Variants in KIF1A observed in about 807,000 individuals in gnomAD.
KIF1A encodes the protein kinesin family member 1A.
A neutral mutation model predicts 227.3 loss-of-function variants in KIF1A; 46 were observed. That is an observed-to-expected ratio of 0.20 (90% CI 0.16 to 0.26). The LOEUF (loss-of-function observed/expected upper bound fraction) is 0.26. Among genes scored for constraint, KIF1A ranks in the 10% least tolerant of loss-of-function variants. KIF1A has a pLI of 1.00. For missense variants in KIF1A, 1,683 were observed against 2,485.9 expected (o/e 0.68, Z 6.87); for synonymous variants, 1,022 against 1,012.8 (o/e 1.01, Z -0.17).
chr2:240,774,999 G>A (rs2052556260), intron 11 of KIF1A, among the ~76,000 whole-genome samples: 1 of 152,206 alleles, frequency 6.6e-6, no homozygotes, highest in South Asian at 2.1e-4. Context: ...CCCCAGGAAA[G>A]CCTCTGTGGG....
chr2:240,791,291 G>A (rs575280316), intron 2 of KIF1A, among the ~76,000 whole-genome samples: 9 of 152,100 alleles, frequency 5.9e-5, no homozygotes, highest in Non-Finnish European at 1.2e-4. Flanking sequence ...CAATTGCAGC[G>A]CCTTCCCTAG....
chr2:240,784,080 G>A (rs987757340), intron 7 of KIF1A, among the ~76,000 whole-genome samples: 4 of 152,208 alleles, frequency 2.6e-5, no homozygotes, highest in Admixed American at 6.5e-5. Flanking sequence ...CACGCTGGGT[G>A]GTTTTCACAC....
At chr2:240,794,065 C>G (rs2056079717) in intron 2 of KIF1A, among the ~76,000 whole-genome samples, 1 of 152,212 alleles carries the variant, frequency 6.6e-6, no homozygotes, top group African/African-American at 2.4e-5. Context: ...CTCTCATGCC[C>G]TGTCTGCAGT....
At chr2:240,783,909 G>T in intron 7 of KIF1A, 93 bp from the exon 8 acceptor site, 1 of 987,856 alleles carries the variant, frequency 1.0e-6, no homozygotes. Context: ...GCTGTTGAAG[G>T]AGCCCTGGCC....
chr2:240,778,013 C>T lies in KIF1A; in HGVS notation c.883-2087G>A, dbSNP rs891683933. ...CAAGGAGCTCTCGCCGTTCCCCGCA[C>T]GGTTCCCACGCGGCTGCTCGCAGCT... On this transcript the variant is annotated intron_variant, in intron 10 of 48. Transcript: ENST00000498729. The surrounding 1 kb of genome is among the most constrained non-coding windows in gnomAD (Gnocchi z 7.2). Among the ~76,000 whole-genome samples the T allele has an allele frequency of 3.3e-5, 5 of 152,202 alleles. No homozygotes were observed. Among genetic ancestry groups the T allele is most frequent in the African/African-American group, 1.2e-4 (5 of 41,442 alleles).
In KIF1A at chr2:240,792,413, C is replaced by G. The variant is rs1469164595; in HGVS notation, c.107-3101G>C. 6.6e-6 allele frequency among the ~76,000 whole-genome samples: 1 copy of G among 152,092 alleles called. No homozygotes were observed. The highest frequency in any genetic ancestry group is 1.5e-5 in the Non-Finnish European group (1 of 68,014). Reference sequence around the variant, plus strand: ...CCCACCCCAGGCTCTGGCCAGGCCCCCAGAGCTGGGCCCCTCCAAGGCCGG... The same window carrying G: ...CCCACCCCAGGCTCTGGCCAGGCCCGCAGAGCTGGGCCCCTCCAAGGCCGG... On this transcript the variant is annotated intron_variant, in intron 2 of 48. Transcript: ENST00000498729. The surrounding 1 kb of genome is among the most constrained non-coding windows in gnomAD (Gnocchi z 4.5).
chr2:240,782,797 G>A (rs1321487123), intron 9 of KIF1A, among the ~76,000 whole-genome samples, 190 bp from the exon 10 acceptor site: 1 of 152,170 alleles, frequency 6.6e-6, no homozygotes, highest in African/African-American at 2.4e-5. Flanking sequence ...CCCAGGCCTG[G>A]GCTGCCTGCT....
intron 10 of KIF1A, chr2:240,782,044 A>G (rs1360885171): frequency 1.0e-6 from 1 of 984,846 alleles, no homozygotes; most frequent in East Asian, 1.1e-4. Flanking sequence ...ACGCTGGCTC[A>G]CTCCGTTCCT....
chr2:240,723,053 C>T (rs978354836), intron 42 of KIF1A, among the ~76,000 whole-genome samples: 2 of 152,340 alleles, frequency 1.3e-5, no homozygotes, highest in East Asian at 3.9e-4. Context: ...ACACACTCGG[C>T]CCGAGGCAGT....
chr2:240,737,266 C>G, intron 37 of KIF1A, 98 bp from the exon 38 acceptor site: 1 of 890,284 alleles, frequency 1.1e-6, no homozygotes, highest in Non-Finnish European at 1.9e-6. Flanking sequence ...AGCCAGCTCC[C>G]CACATGGTCA....
chr2:240,771,941 G>A (rs1020799745), intron 14 of KIF1A, among the ~76,000 whole-genome samples: 3 of 152,224 alleles, frequency 2.0e-5, no homozygotes, highest in Non-Finnish European at 4.4e-5. Context: ...CAGCAAGCAC[G>A]GGACCACACG....
At chr2:240,812,631 C>T (rs981721122) in intron 1 of KIF1A, among the ~76,000 whole-genome samples, 2 of 150,110 alleles carry the variant, frequency 1.3e-5, no homozygotes, top group African/African-American at 4.9e-5. Flanking sequence ...TCTGCCTTCA[C>T]CTCTGGGTCC....
At chr2:240,754,367 C>A (rs1489099276) in intron 27 of KIF1A, among the ~76,000 whole-genome samples, 1 of 152,220 alleles carries the variant, frequency 6.6e-6, no homozygotes, top group Non-Finnish European at 1.5e-5. Context: ...CTCCTCTCCC[C>A]ACTGCCCGTC....
At chr2:240,751,778 A>C (rs2049239208) in intron 27 of KIF1A, among the ~76,000 whole-genome samples, 1 of 151,996 alleles carries the variant, frequency 6.6e-6, no homozygotes, top group African/African-American at 2.4e-5. Context: ...TCCCCAGCAC[A>C]GTCAAGCTCA....
chr2:240,724,410 C>T (rs1052420898), intron 40 of KIF1A: 1 of 327,548 alleles, frequency 3.1e-6, no homozygotes, highest in Non-Finnish European at 5.8e-6. Flanking sequence ...CAGAGCAGCC[C>T]CACTGTGCCC....
At position 240,769,748 on chromosome 2, in the gene KIF1A, G is replaced by A. The variant is rs753072323; in HGVS notation, c.1342-42C>T. 4 of 1,552,794 alleles carry A rather than the reference G, an allele frequency of 2.6e-6. No homozygotes were observed. In the East Asian group the frequency reaches 9.0e-5, roughly 35 times the overall value. On this transcript the variant is annotated intron_variant, in intron 15 of 48. Coordinates refer to ENST00000498729, the MANE Select transcript of KIF1A (RefSeq NM_001244008.2). ...AGCACAGTGAGCTGCCGGGGCTAGGGCCAAGGGAGAGGACAATGGAGACAC... is the reference window on the plus strand; with the variant it reads ...AGCACAGTGAGCTGCCGGGGCTAGGACCAAGGGAGAGGACAATGGAGACAC...
chr2:240,731,415 A>T (rs532040815), intron 38 of KIF1A, among the ~76,000 whole-genome samples: 5 of 152,308 alleles, frequency 3.3e-5, no homozygotes, highest in African/African-American at 9.6e-5. Flanking sequence ...CTCCACCAGC[A>T]GCGCTGGGCT....
In KIF1A at chr2:240,774,277, C is replaced by G. The variant is rs371447665; in HGVS notation, c.959-16G>C. ...GAGTTACCGCCTGTGGGAAGAAGAC[C>G]AGGTTGTGCCCAGAGGGGGATCTAG... On this transcript the variant is annotated splice_polypyrimidine_tract_variant and intron_variant, in intron 11 of 48. Coordinates refer to ENST00000498729, the MANE Select transcript of KIF1A (RefSeq NM_001244008.2). The G allele has an allele frequency of 7.5e-6, 12 of 1,589,416 alleles. No individual in the cohort carries two copies. The highest frequency in any genetic ancestry group is 1.0e-5 in the Non-Finnish European group (12 of 1,158,708).
Position 240,757,255 on chromosome 2 carries a change from G to A in KIF1A, c.2858+64C>T, listed in dbSNP as rs1010764940. The A allele has an allele frequency of 2.1e-5, 31 of 1,464,910 alleles. No homozygotes were observed. Among genetic ancestry groups the A allele is most frequent in the African/African-American group, 7.0e-5 (5 of 71,446 alleles). 90.7% of individuals were successfully genotyped at this position (1,464,910 alleles called of 1,614,324 possible). ...AGGCCCCAGCGGTTCCTCTGTGCCC[G>A]CAGCAGTGCTCCTGTGCAAAAGAGC... On this transcript the variant is annotated intron_variant, in intron 27 of 48. Coordinates refer to ENST00000498729, the MANE Select transcript of KIF1A (RefSeq NM_001244008.2). This position sits in a 1 kb window ranked among gnomAD's most constrained non-coding sequence, Gnocchi z 6.2.
Sources: allele counts gnomAD v4.1 joint callset (sites outside exome capture counted in the v4.1 genomes callset), GRCh38; gene constraint gnomAD v4.1.1; non-coding constraint Gnocchi (gnomAD v3.1); transcripts MANE v1.5; gene names NCBI Gene and HGNC (gene_info 2026-07-23, HGNC 2026-07-21).